Variants in TOM1L1 observed in about 807,000 individuals in gnomAD.
TOM1L1 encodes the protein TOM1-like protein 1.
TOM1L1 carries 64 observed loss-of-function variants against 63.4 expected under a neutral mutation model. The ratio of observed to expected loss-of-function variants is 1.01; its 90% CI spans 0.83 to 1.24. TOM1L1 has a LOEUF of 1.24. TOM1L1 is among the 50% of genes most tolerant of loss of function. The pLI is 0.00. For missense variants in TOM1L1, 536 were observed against 567.0 expected, an observed-to-expected ratio of 0.95 and a Z score of 0.55; for synonymous variants, 166 against 194.4, an observed-to-expected ratio of 0.85 and a Z score of 1.22.
chr17:54,947,456 A>T, intron 12 of TOM1L1, 144 bp downstream of exon 12: 1 of 871,436 alleles, frequency 1.1e-6, no homozygotes, highest in South Asian at 1.6e-5. Context: ...AAGGATCAAA[A>T]TTTTTTTGGA....
At chr17:54,930,613 G>A (rs1409756259) in intron 8 of TOM1L1, among the ~76,000 whole-genome samples, 3 of 152,104 alleles carry the variant, frequency 2.0e-5, no homozygotes, top group Non-Finnish European at 4.4e-5. Flanking sequence ...GCCAAGGTGG[G>A]CAGATCATTT....
intron 1 of TOM1L1, 138 bp downstream of exon 1, chr17:54,901,061 A>T: frequency 8.5e-7 from 1 of 1,178,106 alleles, no homozygotes; most frequent in Non-Finnish European, 1.2e-6. Context: ...AACTTTCCCA[A>T]GGCACCCGCA....
Position 54,950,015 on chromosome 17 carries a change from A to G in TOM1L1, c.1289-30A>G, listed in dbSNP as rs769276137. ...GCGTGTACTCCTCAAAAAGCACAAT[A>G]TGTTTACTGGTCTCTTTTTTTGCCC... On this transcript the variant is annotated intron_variant, in intron 13 of 15. Coordinates refer to ENST00000575882, the MANE Select transcript of TOM1L1 (RefSeq NM_005486.3). 1.9e-6 allele frequency: 3 copies of G among 1,570,706 alleles called. No homozygotes were observed. The East Asian group carries it at 6.7e-5, about 35-fold the overall frequency.
intron 7 of TOM1L1, among the ~76,000 whole-genome samples, chr17:54,929,725 G>A (rs1475486379): frequency 6.9e-6 from 1 of 143,916 alleles, no homozygotes; most frequent in Non-Finnish European, 1.5e-5. Context: ...AGAAAACTGA[G>A]ATTTAAAAAA....
Position 54,903,724 on chromosome 17 carries a change from T to C in TOM1L1, c.75T>C (p.Ala25=), listed in dbSNP as rs1277491000. 2 of 1,614,078 alleles carry C rather than the reference T, an allele frequency of 1.2e-6. No homozygotes were observed. Among genetic ancestry groups the C allele is most frequent in the African/African-American group, 1.3e-5 (1 of 74,930 alleles). The part of the protein sequence containing the change: ...VGHLIEKATF[A]GVQTEDWGQF... The stretch of plus-strand genomic sequence containing the variant: ...TCTTGGCAGAAAAGGCTACATTTGC[T>C]GGAGTTCAGACTGAAGATTGGGGCC... Residue 25 remains alanine (A), a synonymous_variant, in exon 2 of 16, where the codon GCT becomes GCC. Transcript: ENST00000575882.
chr17:54,931,960 GTTTGT>G (rs2048868227), intron 8 of TOM1L1, among the ~76,000 whole-genome samples: 1 of 57,764 alleles, frequency 1.7e-5, no homozygotes, highest in South Asian at 6.1e-4. Context: ...TTTTTTTTTT[GTTTGT>G]TTGTTTGTTT....
At chr17:54,920,007 TTTTA>T (rs57045626) in intron 7 of TOM1L1, among the ~76,000 whole-genome samples, 4 of 127,070 alleles carry the variant, frequency 3.1e-5, no homozygotes, top group African/African-American at 1.0e-4. Flanking sequence ...TATTTATTTA[TTTTA>T]TTTATTCATT....
intron 14 of TOM1L1, chr17:54,959,504 G>C (rs2077054629): frequency 6.6e-6 from 1 of 151,778 alleles, no homozygotes; most frequent in Non-Finnish European, 1.5e-5. Flanking sequence ...ACGAATGAAG[G>C]ATGTCATTGA....
intron 2 of TOM1L1, 142 bp from the exon 3 acceptor site, chr17:54,905,347 G>A (rs953503037): frequency 3.2e-5 from 19 of 589,956 alleles, no homozygotes; most frequent in African/African-American, 1.5e-4. Flanking sequence ...TAAGTCATTC[G>A]CATAGGGTCC....
At chr17:54,949,302 CTGAGA>C (rs2049173048) in intron 12 of TOM1L1, among the ~76,000 whole-genome samples, 1 of 150,212 alleles carries the variant, frequency 6.7e-6, no homozygotes, top group Non-Finnish European at 1.5e-5. Flanking sequence ...TCCCAAATTG[CTGAGA>C]TAACAGGCAT....
chr17:54,925,310 G>T (rs1856933732), intron 7 of TOM1L1, among the ~76,000 whole-genome samples: 1 of 152,180 alleles, frequency 6.6e-6, no homozygotes, highest in Non-Finnish European at 1.5e-5. Context: ...GGGTGCCTTT[G>T]GTGGAAGGAG....
chr17:54,940,200 A>T (rs1227380652), intron 11 of TOM1L1, among the ~76,000 whole-genome samples: 4 of 152,206 alleles, frequency 2.6e-5, no homozygotes, highest in African/African-American at 9.7e-5. Flanking sequence ...CCCAGCCATC[A>T]GGTTTTCTGA....
At chr17:54,937,989 A>G (rs1473198506) in intron 10 of TOM1L1, 1 of 152,176 alleles carries the variant, frequency 6.6e-6, no homozygotes, top group Admixed American at 6.5e-5. Flanking sequence ...TTTTTCTCAT[A>G]TGTCATCTGC....
intron 3 of TOM1L1, 71 bp downstream of exon 3, chr17:54,905,638 A>G: frequency 1.0e-6 from 1 of 972,138 alleles, no homozygotes. Flanking sequence ...AATCCTGGGT[A>G]AAAAATAAGA....
At chr17:54,902,382 C>A (rs1482039826) in intron 1 of TOM1L1, among the ~76,000 whole-genome samples, 1 of 152,134 alleles carries the variant, frequency 6.6e-6, no homozygotes, top group African/African-American at 2.4e-5. Context: ...CTCCGCCTAC[C>A]GGGTTCAAGC....
chr17:54,934,830 G>GCTTGCT (rs2048921108), intron 8 of TOM1L1, among the ~76,000 whole-genome samples: 6 of 151,546 alleles, frequency 4.0e-5, no homozygotes, highest in African/African-American at 1.5e-4. Flanking sequence ...CGATTCTTCT[G>GCTTGCT]TCTCAGCCTC....
chr17:54,912,824 G>A lies in TOM1L1; in HGVS notation c.372+9G>A. The A allele has an allele frequency of 3.8e-6, 6 of 1,581,104 alleles. No individual in the cohort carries two copies. Among genetic ancestry groups the A allele is most frequent in the Non-Finnish European group, 5.1e-6 (6 of 1,168,242 alleles). On this transcript the variant is annotated intron_variant, in intron 4 of 15. Coordinates refer to ENST00000575882, the MANE Select transcript of TOM1L1 (RefSeq NM_005486.3). ...TCTTGAATTTCATTAAGGTAAGTCT[G>A]TTGTATACCTCATGGGATGGTAAAT... is the stretch of plus-strand genomic sequence containing the variant.
At chr17:54,919,106 A>G (rs1478527443) in intron 7 of TOM1L1, among the ~76,000 whole-genome samples, 2 of 152,220 alleles carry the variant, frequency 1.3e-5, no homozygotes, top group Non-Finnish European at 2.9e-5. Context: ...AAGCAAGAGT[A>G]ATATTAAATA....
At chr17:54,956,766 T>G (rs936546784) in intron 14 of TOM1L1, 1 of 152,146 alleles carries the variant, frequency 6.6e-6, no homozygotes, top group Non-Finnish European at 1.5e-5. Context: ...CTTTGAGCAA[T>G]AGTTTTATTA....
Sources: gnomAD v4.1 joint callset for allele counts (sites outside exome capture counted in the v4.1 genomes callset) on GRCh38, gnomAD v4.1.1 for gene constraint, MANE v1.5 for transcripts, NCBI Gene and HGNC (gene_info 2026-07-23, HGNC 2026-07-21) for gene names.